The following GPR39 variants were observed in gnomAD, a reference collection of about 807,000 sequenced individuals.
GPR39 encodes the protein zinc sensing receptor.
A neutral mutation model predicts 18.4 loss-of-function variants in GPR39; 23 were observed. That is an observed-to-expected ratio of 1.25 (90% CI 0.90 to 1.77). The LOEUF (loss-of-function observed/expected upper bound fraction) is 1.77. Ranked by LOEUF, GPR39 falls within the 40% of genes most tolerant of loss-of-function variation. GPR39 has a pLI of 0.00. For missense variants in GPR39, 647 were observed against 602.4 expected, an observed-to-expected ratio of 1.07 and a Z score of -0.78; for synonymous variants, 280 against 257.9, an observed-to-expected ratio of 1.09 and a Z score of -0.82.
intron 1 of GPR39, among the ~76,000 whole-genome samples, chr2:132,479,490 C>A (rs138058482): frequency 4.5e-4 from 69 of 152,160 alleles, no homozygotes; most frequent in Non-Finnish European, 9.3e-4. Flanking sequence ...TGAGACAGTA[C>A]GAAATAAAAT....
intron 1 of GPR39, among the ~76,000 whole-genome samples, chr2:132,455,917 G>T (rs1176503400): frequency 6.6e-6 from 1 of 152,078 alleles, no homozygotes; most frequent in Non-Finnish European, 1.5e-5. Context: ...TCAGTTTTAG[G>T]ATAAGTGTGA....
chr2:132,434,381 C>CT (rs2104760911), intron 1 of GPR39, among the ~76,000 whole-genome samples: 1 of 152,278 alleles, frequency 6.6e-6, no homozygotes, highest in East Asian at 1.9e-4. Context: ...AATAAGAACA[C>CT]TTTTTCTGGA....
At chr2:132,558,902 A>G (rs921006592) in intron 1 of GPR39, among the ~76,000 whole-genome samples, 17 of 152,322 alleles carry the variant, frequency 1.1e-4, no homozygotes, top group African/African-American at 4.1e-4. Context: ...GTGCTAGGGA[A>G]AAAAGCTCCT....
At chr2:132,559,238 T>A (rs1490384736) in intron 1 of GPR39, among the ~76,000 whole-genome samples, 1 of 152,178 alleles carries the variant, frequency 6.6e-6, no homozygotes, top group Non-Finnish European at 1.5e-5. Flanking sequence ...TTATGTGGCA[T>A]GTAAAATAAT....
At chr2:132,484,164 G>A (rs999521592) in intron 1 of GPR39, among the ~76,000 whole-genome samples, 2 of 152,108 alleles carry the variant, frequency 1.3e-5, no homozygotes, top group African/African-American at 4.8e-5. Context: ...GATGTGTTGC[G>A]CTAGTTACAG....
intron 1 of GPR39, among the ~76,000 whole-genome samples, chr2:132,555,530 G>T (rs1285633387): frequency 1.3e-5 from 2 of 152,156 alleles, no homozygotes; most frequent in African/African-American, 2.4e-5. Flanking sequence ...TCTGGGTAGG[G>T]CTACTTGAGT....
At chr2:132,550,302 G>A (rs183107197) in intron 1 of GPR39, among the ~76,000 whole-genome samples, 7 of 152,292 alleles carry the variant, frequency 4.6e-5, no homozygotes, top group Admixed American at 1.3e-4. Context: ...ATAAGGAGGC[G>A]TTGGATCAGT....
At chr2:132,437,936 ATAT>A (rs1256732826) in intron 1 of GPR39, among the ~76,000 whole-genome samples, 12 of 152,202 alleles carry the variant, frequency 7.9e-5, no homozygotes, top group African/African-American at 2.9e-4. Context: ...AGCCTGAGTG[ATAT>A]TATCCTGGCT....
At chr2:132,547,850 G>A (rs1679976409) in intron 1 of GPR39, among the ~76,000 whole-genome samples, 1 of 152,174 alleles carries the variant, frequency 6.6e-6, no homozygotes, top group Non-Finnish European at 1.5e-5. Context: ...CTACTAGTTT[G>A]TCCATTCCTA....
intron 1 of GPR39, among the ~76,000 whole-genome samples, chr2:132,636,492 C>G (rs749195084): frequency 3.7e-4 from 57 of 152,214 alleles, no homozygotes; most frequent in Admixed American, 5.9e-4. Context: ...GCAGGAGAGA[C>G]CTGGCTAAGT....
intron 1 of GPR39, among the ~76,000 whole-genome samples, chr2:132,502,426 C>T (rs1449279875): frequency 6.6e-6 from 1 of 151,974 alleles, no homozygotes; most frequent in Non-Finnish European, 1.5e-5. Flanking sequence ...GCTTGTGGGG[C>T]TGAGAAATCT....
chr2:132,592,822 G>C (rs1680870675), intron 1 of GPR39, among the ~76,000 whole-genome samples: 1 of 152,106 alleles, frequency 6.6e-6, no homozygotes, highest in African/African-American at 2.4e-5. Flanking sequence ...AGATATAGAA[G>C]TCACCAGGTA....
intron 1 of GPR39, among the ~76,000 whole-genome samples, chr2:132,465,981 C>T (rs536106327): frequency 1.3e-5 from 2 of 152,228 alleles, no homozygotes; most frequent in African/African-American, 2.4e-5. Flanking sequence ...CTGTAATGAA[C>T]AAATATTTGT....
At chr2:132,557,833 C>T (rs538809494) in intron 1 of GPR39, among the ~76,000 whole-genome samples, 13 of 152,226 alleles carry the variant, frequency 8.5e-5, no homozygotes, top group African/African-American at 2.4e-4. Context: ...TAGGTTTATC[C>T]GCGTTTCTCG....
chr2:132,492,528 CAT>C (rs1207758714), intron 1 of GPR39, among the ~76,000 whole-genome samples: 10 of 129,184 alleles, frequency 7.7e-5, no homozygotes, highest in African/African-American at 2.9e-4. Context: ...ATATATACAC[CAT>C]ATATATACAC....
Position 132,645,111 on chromosome 2 carries a change from T to G in GPR39, c.867T>G (p.Val289=). The change falls in exon 2 of 2, where the codon GTT becomes GTG. Residue 289 remains valine, a synonymous_variant. Transcript: ENST00000329321. ...CTCGTGTCTGCCCAGGGCTGATTGT[T>G]GTGACATTGGCCGTATGCTGGATGC... is the stretch of plus-strand genomic sequence containing the variant. ...RQTIIFLRLI[V]VTLAVCWMPN... is the part of the protein sequence containing the mutation. 6.2e-7 allele frequency: 1 copy of G among 1,612,408 alleles called. No homozygotes were observed.
chr2:132,452,681 A>G (rs74928988), intron 1 of GPR39, among the ~76,000 whole-genome samples: 14 of 150,864 alleles, frequency 9.3e-5, no homozygotes, highest in Non-Finnish European at 1.5e-4. Context: ...CCTGTGTCCA[A>G]GTGATCTCTT....
intron 1 of GPR39, among the ~76,000 whole-genome samples, chr2:132,641,265 G>C (rs893381394): frequency 3.9e-5 from 6 of 152,220 alleles, no homozygotes; most frequent in African/African-American, 1.2e-4. Context: ...TCTAGGAAAA[G>C]ACTGGCTAAC....
At chr2:132,573,177 T>A (rs1680472261) in intron 1 of GPR39, among the ~76,000 whole-genome samples, 1 of 152,182 alleles carries the variant, frequency 6.6e-6, no homozygotes, top group Non-Finnish European at 1.5e-5. Context: ...TCCAGATGTT[T>A]CCACAAGTTT....
Sources: gnomAD v4.1 joint callset for allele counts (sites outside exome capture counted in the v4.1 genomes callset) on GRCh38, gnomAD v4.1.1 for gene constraint, MANE v1.5 for transcripts, NCBI Gene and HGNC (gene_info 2026-07-23, HGNC 2026-07-21) for gene names.